The following RNF213 variants were observed in gnomAD, a reference collection of about 807,000 sequenced individuals.
RNF213 encodes ring finger protein 213.
Under a neutral mutation model 514.4 loss-of-function variants are expected in RNF213, and 341 were observed. That is an observed-to-expected ratio of 0.66 (90% CI 0.61 to 0.73). The LOEUF (loss-of-function observed/expected upper bound fraction) is 0.73, where lower values mean the gene tolerates loss of function less well. Among genes scored for constraint, RNF213 ranks in the 30% least tolerant of loss-of-function variants. RNF213 has a pLI of 0.00. For missense variants in RNF213, 5,767 were observed against 6,615.6 expected (o/e 0.87, Z 4.45); for synonymous variants, 2,655 against 2,658.2 (o/e 1.00, Z 0.04).
At chr17:80,364,698 A>G (rs1467049943) in intron 42 of RNF213, 145 bp downstream of exon 42, 3 of 892,948 alleles carry the variant, frequency 3.4e-6, no homozygotes, top group Non-Finnish European at 5.3e-6. Flanking sequence ...TGATTTCATC[A>G]CTAGGCCATT....
At chr17:80,311,863 A>G (rs918128697) in intron 14 of RNF213, among the ~76,000 whole-genome samples, 4 of 152,172 alleles carry the variant, frequency 2.6e-5, no homozygotes, top group African/African-American at 9.7e-5. Flanking sequence ...GTAGTAGCTC[A>G]CACCTGTAAT....
At chr17:80,261,281 G>T (rs954867089) in intron 1 of RNF213, among the ~76,000 whole-genome samples, 7 of 152,214 alleles carry the variant, frequency 4.6e-5, no homozygotes, top group Non-Finnish European at 8.8e-5. Context: ...CTGCAGGTCC[G>T]CCCGGGAATC....
At chr17:80,262,057 T>C (rs2043441720) in intron 1 of RNF213, among the ~76,000 whole-genome samples, 1 of 151,994 alleles carries the variant, frequency 6.6e-6, no homozygotes, top group African/African-American at 2.4e-5. Context: ...GGTCTGTGGT[T>C]CCCCAGTGTA....
In RNF213 at chr17:80,353,016, T is replaced by C. The variant is rs1219182906; in HGVS notation, c.10380T>C (p.His3460=). ...LMVSDVTRLQ[H]VTISQLFAPG... ...TTTCTGATGTGACCAGGCTGCAGCATGTCACCATCAGCCAGCTGTTCGCGC... is the reference window on the plus strand; with the variant it reads ...TTTCTGATGTGACCAGGCTGCAGCACGTCACCATCAGCCAGCTGTTCGCGC... Residue 3460 remains histidine (H), a synonymous_variant, in exon 33 of 68, where the codon CAT becomes CAC. Transcript: ENST00000582970. This position sits in a 1 kb window ranked among gnomAD's most constrained non-coding sequence, Gnocchi z 5.0. 1 of 1,613,650 alleles carries C rather than the reference T, an allele frequency of 6.2e-7. No individual in the cohort carries two copies. The highest frequency in any genetic ancestry group is 8.5e-7 in the Non-Finnish European group (1 of 1,180,032).
At chr17:80,380,497 T>C (rs2079948395) in intron 55 of RNF213, among the ~76,000 whole-genome samples, 3 of 152,182 alleles carry the variant, frequency 2.0e-5, no homozygotes, top group Admixed American at 2.0e-4. Flanking sequence ...TCCCAAACTC[T>C]AGCTGTTCTT....
Position 80,263,826 on chromosome 17 carries a change from G to T in RNF213, c.97+48G>T. 1 of 1,517,632 alleles carries T rather than the reference G, an allele frequency of 6.6e-7. No individual in the cohort carries two copies. The highest frequency in any genetic ancestry group is 1.1e-5 in the South Asian group (1 of 89,074). 94.0% of individuals were successfully genotyped at this position (1,517,632 alleles called of 1,614,324 possible). A position where few individuals can be genotyped will look rare whatever the true frequency, so the allele number is the denominator to read the frequency against. Reference sequence around the variant, plus strand: ...GAGGCTGGGGCAGTGGGGACCCCTGGAGATGTCTCACCTCCCTTCCAGGAA... The same window carrying T: ...GAGGCTGGGGCAGTGGGGACCCCTGTAGATGTCTCACCTCCCTTCCAGGAA... On this transcript the variant is annotated intron_variant, in intron 2 of 67. Transcript: ENST00000582970. The surrounding 1 kb of genome is among the most constrained non-coding windows in gnomAD (Gnocchi z 4.9).
At chr17:80,370,449 T>C (rs2079470988) in intron 46 of RNF213, among the ~76,000 whole-genome samples, 2 of 152,198 alleles carry the variant, frequency 1.3e-5, no homozygotes, top group Non-Finnish European at 2.9e-5. Context: ...TTGCCCTTTT[T>C]TAAAAAACAT....
intron 7 of RNF213, among the ~76,000 whole-genome samples, chr17:80,291,143 C>T (rs1177993642): frequency 6.6e-6 from 1 of 152,112 alleles, no homozygotes; most frequent in Non-Finnish European, 1.5e-5. Flanking sequence ...GAGTTGATGA[C>T]ATTCTTCGGG....
intron 15 of RNF213, among the ~76,000 whole-genome samples, chr17:80,313,881 G>T: frequency 9.0e-6 from 1 of 110,582 alleles, no homozygotes. Context: ...GGTGATGGTG[G>T]AGGTACTGGA....
chr17:80,346,482 A>T lies in RNF213; in HGVS notation c.8147A>T (p.Asp2716Val). Residue 2716 changes from aspartate to valine, a missense_variant, in exon 29 of 68, where the codon GAC becomes GTC. This residue lies in a region of RNF213 where 1,377 missense variants were observed against 1,635.2 expected (regional missense o/e 0.84). Coordinates refer to ENST00000582970, the MANE Select transcript of RNF213 (RefSeq NM_001256071.3). This position sits in a 1 kb window ranked among gnomAD's most constrained non-coding sequence, Gnocchi z 8.1. ...AIARFFPKPY[D>V]DSRLLLDEIT... is the part of the protein sequence containing the mutation. The stretch of plus-strand genomic sequence containing the variant: ...GCCAGGTTCTTTCCGAAACCGTATG[A>T]CGACAGCAGGCTGCTTCTGGATGAA... 6.2e-7 allele frequency: 1 copy of T among 1,613,894 alleles called. No homozygotes were observed. Among genetic ancestry groups the T allele is most frequent in the African/African-American group, 1.3e-5 (1 of 75,044 alleles).
chr17:80,376,594 C>CTTGTCACTGTAGAGACCGAGCTGCAGCTG, intron 52 of RNF213, 51 bp downstream of exon 52: 2 of 1,612,572 alleles, frequency 1.2e-6, no homozygotes, highest in East Asian at 2.2e-5. Flanking sequence ...CCCCCCAGAG[C>CTTGTCACTGTAGAGACCGAGCTGCAGCTG]TTGTCACTGT....
At chr17:80,366,810 ACT>A (rs1390491917) in intron 42 of RNF213, among the ~76,000 whole-genome samples, 1 of 152,300 alleles carries the variant, frequency 6.6e-6, no homozygotes, top group East Asian at 1.9e-4. Flanking sequence ...ACAGGAAGGA[ACT>A]CTCCTTGAGC....
At chr17:80,284,345 C>T (rs1377031082) in intron 3 of RNF213, among the ~76,000 whole-genome samples, 1 of 151,802 alleles carries the variant, frequency 6.6e-6, no homozygotes, top group Admixed American at 6.6e-5. Flanking sequence ...GCCTGGGCAA[C>T]AAGAGTGAAA....
intron 7 of RNF213, 49 bp downstream of exon 7, chr17:80,290,777 A>T: frequency 6.2e-7 from 1 of 1,605,200 alleles, no homozygotes; most frequent in Non-Finnish European, 8.5e-7. Flanking sequence ...AAGGCATAGG[A>T]TGCCCAGCCT....
rs2078591383 is a variant in RNF213 at position 80,353,122 on chromosome 17, G to A, written c.10423+63G>A. 6.3e-7 allele frequency: 1 copy of A among 1,599,916 alleles called. No homozygotes were observed. Among genetic ancestry groups the A allele is most frequent in the African/African-American group, 1.3e-5 (1 of 74,900 alleles). On this transcript the variant is annotated intron_variant, in intron 33 of 67. Coordinates refer to ENST00000582970, the MANE Select transcript of RNF213 (RefSeq NM_001256071.3). This position sits in a 1 kb window ranked among gnomAD's most constrained non-coding sequence, Gnocchi z 5.0. ...TGGAAGGGCAGATGGCAGGTGTGGA[G>A]CGTGGCGTGCACATGGCACTAGGAG...
rs201493500 is a variant in RNF213, at chr17:80,328,364, C to T, written c.3404C>T (p.Ala1135Val). 1.1e-3 allele frequency: 1,632 copies of T among 1,537,112 alleles called. 5 individuals are homozygous for T. Among genetic ancestry groups the T allele is most frequent in the African/African-American group, 7.9e-3 (575 of 73,142 alleles). Residue 1135 changes from alanine (A) to valine (V), a missense_variant, in exon 20 of 68, where the codon GCT (alanine) becomes GTT (valine). Ala to Val is a moderately conservative substitution (Grantham distance 64). Coordinates refer to ENST00000582970, the MANE Select transcript of RNF213 (RefSeq NM_001256071.3). ...CTTTCACCCCAGGATGAACAATGTG[C>T]TGTGGAGGAAGCACTGGATTGGAGA... The part of the protein sequence containing the change: ...KSLSPQDEQC[A>V]VEEALDWRRE...
rs781375443 is a variant in RNF213 at position 80,343,814 on chromosome 17, C to T, written c.6184-43C>T. ...GGTTACTTAGAGTTGGGAGAACTCG[C>T]CATCGTGTCGTGTGTTTACACCTCG... On this transcript the variant is annotated intron_variant, in intron 27 of 67. Transcript: ENST00000582970. The surrounding 1 kb of genome is among the most constrained non-coding windows in gnomAD (Gnocchi z 4.3). 3.1e-6 allele frequency: 5 copies of T among 1,609,474 alleles called. No homozygotes were observed. The South Asian group carries it at 5.5e-5, about 18-fold the overall frequency.
At chr17:80,360,424 C>A (rs1173389268) in intron 38 of RNF213, 9 of 585,010 alleles carry the variant, frequency 1.5e-5, no homozygotes, top group Non-Finnish European at 2.8e-5. Flanking sequence ...AGAAACCTTT[C>A]GATCCTATGG....
chr17:80,383,102 C>A, intron 58 of RNF213, 32 bp downstream of exon 58: 2 of 1,513,602 alleles, frequency 1.3e-6, no homozygotes, highest in South Asian at 2.2e-5. Flanking sequence ...CTGGGTTGCT[C>A]CTCGGTCCAG....
Sources: allele counts gnomAD v4.1 joint callset (sites outside exome capture counted in the v4.1 genomes callset), GRCh38; gene constraint gnomAD v4.1.1; regional missense constraint gnomAD v4.1.1; non-coding constraint Gnocchi (gnomAD v3.1); transcripts MANE v1.5; gene names NCBI Gene and HGNC (gene_info 2026-07-23, HGNC 2026-07-21).